LRFN2: variants seen among roughly 807,000 people sequenced by gnomAD.
The protein encoded by LRFN2 is leucine-rich repeat and fibronectin type-III domain-containing protein 2.
LRFN2 carries 18 observed loss-of-function variants against 37.3 expected under a neutral mutation model. The observed-to-expected ratio is 0.48, with a 90% CI of 0.33 to 0.72. LRFN2 has a LOEUF of 0.72. LRFN2 is among the 30% of genes least tolerant of loss of function. The pLI, the probability that LRFN2 is intolerant of heterozygous loss-of-function variation, is 0.02. For synonymous variants in LRFN2, 556 were observed against 466.6 expected (o/e 1.19, Z -2.47); for missense variants, 1,006 against 1,060.7 (o/e 0.95, Z 0.72).
intron 1 of LRFN2, among the ~76,000 whole-genome samples, chr6:40,460,291 G>A (rs1764320511): frequency 6.6e-6 from 1 of 152,180 alleles, no homozygotes. Context: ...CACAGACCCA[G>A]GACTTCTTCC....
intron 1 of LRFN2, among the ~76,000 whole-genome samples, chr6:40,549,998 C>A (rs1268463435): frequency 6.6e-6 from 1 of 152,100 alleles, no homozygotes; most frequent in African/African-American, 2.4e-5. Context: ...TGTGCCATTG[C>A]ACTCCAGCCT....
At chr6:40,533,411 A>T (rs1408705093) in intron 1 of LRFN2, among the ~76,000 whole-genome samples, 3 of 149,888 alleles carry the variant, frequency 2.0e-5, no homozygotes, top group Non-Finnish European at 3.0e-5. Context: ...ACACACACAC[A>T]CACTTGAAAG....
intron 2 of LRFN2, among the ~76,000 whole-genome samples, chr6:40,402,420 T>C (rs1762758604): frequency 6.6e-6 from 1 of 152,210 alleles, no homozygotes; most frequent in Non-Finnish European, 1.5e-5. Context: ...GAGGCAAGTC[T>C]TGGAGTCAGG....
At chr6:40,409,123 A>G (rs1561842315) in intron 2 of LRFN2, among the ~76,000 whole-genome samples, 1 of 152,232 alleles carries the variant, frequency 6.6e-6, no homozygotes. Flanking sequence ...GGACACAAGC[A>G]TTCAAACTAT....
At chr6:40,398,066 T>C (rs1762651771) in intron 2 of LRFN2, among the ~76,000 whole-genome samples, 1 of 151,964 alleles carries the variant, frequency 6.6e-6, no homozygotes, top group Non-Finnish European at 1.5e-5. Context: ...TCCTTCACAA[T>C]GAATAGCTTG....
chr6:40,432,115 G>A lies in LRFN2; in HGVS notation c.999C>T (p.Ser333=), dbSNP rs1195020792. The change falls in exon 2 of 3, where the codon TCC becomes TCT. Residue 333 remains serine, a synonymous_variant. Coordinates refer to ENST00000338305, the MANE Select transcript of LRFN2 (RefSeq NM_020737.3). Reference sequence around the variant, plus strand: ...CATTGTCATAGACAGCGGTCCTTGAGGAGTTCCCTACCAGGCGGTCATCGG... The same window carrying A: ...CATTGTCATAGACAGCGGTCCTTGAAGAGTTCCCTACCAGGCGGTCATCGG... ...VAPDDRLVGN[S]SRTAVYDNGT... 1.2e-6 allele frequency: 2 copies of A among 1,613,790 alleles called. No individual in the cohort carries two copies. Among genetic ancestry groups the A allele is most frequent in the Non-Finnish European group, 8.5e-7 (1 of 1,179,950 alleles).
At chr6:40,509,872 A>T (rs1318332013) in intron 1 of LRFN2, among the ~76,000 whole-genome samples, 1 of 150,682 alleles carries the variant, frequency 6.6e-6, no homozygotes. Flanking sequence ...ATGCCAGGGA[A>T]CACTGGGCTG....
At chr6:40,499,914 A>C (rs1469983580) in intron 1 of LRFN2, among the ~76,000 whole-genome samples, 1 of 152,218 alleles carries the variant, frequency 6.6e-6, no homozygotes, top group Non-Finnish European at 1.5e-5. Context: ...GAACAGCAGC[A>C]CCTACCTCAC....
chr6:40,545,415 G>A (rs930113423), intron 1 of LRFN2, among the ~76,000 whole-genome samples: 1 of 152,350 alleles, frequency 6.6e-6, no homozygotes, highest in South Asian at 2.1e-4. Flanking sequence ...GGCAGCCACA[G>A]CCTCCCTGGG....
intron 1 of LRFN2, among the ~76,000 whole-genome samples, chr6:40,448,672 C>G (rs1287366042): frequency 6.6e-5 from 10 of 152,198 alleles, no homozygotes; most frequent in Admixed American, 6.5e-4. Context: ...GCACTATCTC[C>G]TGACTTGTGG....
At chr6:40,464,500 T>C (rs1199387605) in intron 1 of LRFN2, among the ~76,000 whole-genome samples, 1 of 152,232 alleles carries the variant, frequency 6.6e-6, no homozygotes, top group Non-Finnish European at 1.5e-5. Context: ...CCTTGTCAGA[T>C]GCAAGCCCCT....
rs2504845 is a variant in LRFN2, at chr6:40,524,965, G to A, written c.-19+61976C>T. ...AATGAGCTTGGAGTAAGGAGAACTC[G>A]GTTCTAGTCTTGGCACTGAAGCTAC... On this transcript the variant is annotated intron_variant, in intron 1 of 2. Transcript: ENST00000338305. Among the ~76,000 whole-genome samples, 443 of 152,290 alleles carry A rather than the reference G, an allele frequency of 2.9e-3. 3 individuals are homozygous for A. The highest frequency in any genetic ancestry group is 0.01 in the African/African-American group (416 of 41,566).
chr6:40,435,082 G>GAGAGAGAGAC lies in LRFN2; in HGVS notation c.-18-1961_-18-1952dup, dbSNP rs1430756200. ...AGAGAGAGAGAGAGAGAGAGAGAGA[G>GAGAGAGAGAC]AGAGAGAGACAGAGAGATAATATAT... On this transcript the variant is annotated intron_variant, in intron 1 of 2. Coordinates refer to ENST00000338305, the MANE Select transcript of LRFN2 (RefSeq NM_020737.3). Among the ~76,000 whole-genome samples the GAGAGAGAGAC allele has an allele frequency of 6.6e-5, 9 of 135,584 alleles. No homozygotes were observed. The East Asian group carries it at 1.3e-3, about 20-fold the overall frequency. The allele number at this position is 135,584 out of a possible 152,430, so 88.9% of individuals were successfully genotyped here.
At chr6:40,575,127 ACTC>A (rs1561913085) in intron 1 of LRFN2, among the ~76,000 whole-genome samples, 2 of 151,840 alleles carry the variant, frequency 1.3e-5, no homozygotes, top group Non-Finnish European at 2.9e-5. Context: ...ACCCCTCCCA[ACTC>A]CTGCTCAGGA....
At chr6:40,530,625 T>C (rs1293515755) in intron 1 of LRFN2, among the ~76,000 whole-genome samples, 2 of 151,792 alleles carry the variant, frequency 1.3e-5, no homozygotes, top group Non-Finnish European at 2.9e-5. Context: ...TGAACCCTGG[T>C]TCTCCCCAGG....
chr6:40,525,765 T>C (rs1162228272), intron 1 of LRFN2, among the ~76,000 whole-genome samples: 1 of 152,126 alleles, frequency 6.6e-6, no homozygotes, highest in Non-Finnish European at 1.5e-5. Context: ...GCTCCAGCCC[T>C]CCCACACTGC....
intron 2 of LRFN2, among the ~76,000 whole-genome samples, chr6:40,430,148 G>T (rs1051567761): frequency 3.9e-5 from 6 of 152,122 alleles, no homozygotes; most frequent in Non-Finnish European, 5.9e-5. Context: ...TATGCATGTG[G>T]GTAACTTCCG....
intron 1 of LRFN2, among the ~76,000 whole-genome samples, chr6:40,576,571 G>GCT (rs1767282330): frequency 6.6e-6 from 1 of 152,172 alleles, no homozygotes; most frequent in Non-Finnish European, 1.5e-5. Flanking sequence ...ATGATCCATT[G>GCT]CTCTCTCTCC....
chr6:40,547,949 AT>A (rs1288886966), intron 1 of LRFN2, among the ~76,000 whole-genome samples: 1 of 152,098 alleles, frequency 6.6e-6, no homozygotes. Flanking sequence ...AATATAACTC[AT>A]TTGAATGTGT....
Sources: gnomAD v4.1 joint callset for allele counts (sites outside exome capture counted in the v4.1 genomes callset) on GRCh38, gnomAD v4.1.1 for gene constraint, MANE v1.5 for transcripts, NCBI Gene and HGNC (gene_info 2026-07-23, HGNC 2026-07-21) for gene names.